Variants in SLC60A2 observed in about 807,000 individuals in gnomAD.
SLC60A2 encodes major facilitator superfamily domain containing 4B.
At chr6:111,268,046 A>T in the SLC60A2 span, 3 of 152,238 alleles carry the variant, frequency 2.0e-5, no homozygotes, top group Non-Finnish European at 2.9e-5. Context: ...AATGAAAATG[A>T]GATGATTTCC....
At chr6:111,267,153 A>C in the SLC60A2 span, 1 of 1,556,600 alleles carries the variant, frequency 6.4e-7, no homozygotes. Flanking sequence ...TCTTTGAATA[A>C]CTGCCACTTC....
chr6:111,265,256 A>C, the SLC60A2 span: 1 of 973,968 alleles, frequency 1.0e-6, no homozygotes. Context: ...ATTTATCTGA[A>C]AATATCTGTT....
At chr6:111,265,324 T>G in the SLC60A2 span, 1 of 985,124 alleles carries the variant, frequency 1.0e-6, no homozygotes, top group Non-Finnish European at 1.2e-6. Context: ...TCCTAGACGT[T>G]TAGACAGTAT....
chr6:111,259,353 T>C, the SLC60A2 span: 3 of 319,834 alleles, frequency 9.4e-6, no homozygotes, highest in South Asian at 2.6e-4. Flanking sequence ...AGCGAGCGTC[T>C]TTTGCCACGA....
At chr6:111,259,353 T>G in the SLC60A2 span, 6 of 319,834 alleles carry the variant, frequency 1.9e-5, no homozygotes, top group Admixed American at 5.0e-5. Context: ...AGCGAGCGTC[T>G]TTTGCCACGA....
chr6:111,267,979 C>T, the SLC60A2 span: 1 of 152,252 alleles, frequency 6.6e-6, no homozygotes, highest in African/African-American at 2.4e-5. Flanking sequence ...TCTAGCCCTG[C>T]ACTCTGTCAC....
At chr6:111,270,954 A>C in the SLC60A2 span, 1 of 152,180 alleles carries the variant, frequency 6.6e-6, no homozygotes, top group Non-Finnish European at 1.5e-5. Flanking sequence ...CCCATTAGCC[A>C]GGCCAACAGA....
chr6:111,259,402 G>T, the SLC60A2 span: 1 of 391,056 alleles, frequency 2.6e-6, no homozygotes, highest in Non-Finnish European at 4.6e-6. Flanking sequence ...CTCTGCCCCG[G>T]TTCCGGGCGG....
the SLC60A2 span, chr6:111,259,365 C>A: frequency 2.9e-6 from 1 of 340,884 alleles, no homozygotes; most frequent in East Asian, 4.4e-5. Context: ...TTGCCACGAA[C>A]ACCTGCGGCG....
chr6:111,277,484 A>G, the SLC60A2 span, among the ~76,000 whole-genome samples: 2 of 152,222 alleles, frequency 1.3e-5, no homozygotes, highest in Non-Finnish European at 2.9e-5. Context: ...CATGCATTTC[A>G]GTTATCTAAC....
At chr6:111,259,877 A>T in the SLC60A2 span, 2 of 493,836 alleles carry the variant, frequency 4.0e-6, no homozygotes, top group Non-Finnish European at 6.8e-6. Flanking sequence ...TGGAGGAAAT[A>T]GATTTTCTGA....
the SLC60A2 span, among the ~76,000 whole-genome samples, chr6:111,262,801 C>T: frequency 6.6e-6 from 1 of 152,166 alleles, no homozygotes; most frequent in African/African-American, 2.4e-5. Context: ...GCCCAGGCTA[C>T]ACCCTGGATT....
the SLC60A2 span, chr6:111,263,895 C>A: frequency 5.6e-6 from 9 of 1,611,792 alleles, no homozygotes; most frequent in Non-Finnish European, 7.6e-6. Flanking sequence ...AGCAATATTA[C>A]TCACTGTCAT....
the SLC60A2 span, chr6:111,267,311 T>C: frequency 1.8e-6 from 1 of 551,206 alleles, no homozygotes. Flanking sequence ...AATGGTCTCA[T>C]ACACGTACAA....
chr6:111,267,208 C>A, the SLC60A2 span: 1 of 1,321,526 alleles, frequency 7.6e-7, no homozygotes, highest in Non-Finnish European at 1.0e-6. Context: ...TTTCACCATG[C>A]TTTGGGGATT....
the SLC60A2 span, among the ~76,000 whole-genome samples, chr6:111,277,508 G>A: frequency 6.6e-6 from 1 of 152,152 alleles, no homozygotes; most frequent in Admixed American, 6.5e-5. Context: ...TATTTACTGA[G>A]CATTTACCAT....
At chr6:111,274,176 T>C in the SLC60A2 span, among the ~76,000 whole-genome samples, 1 of 152,218 alleles carries the variant, frequency 6.6e-6, no homozygotes, top group African/African-American at 2.4e-5. Flanking sequence ...GCTTTATTTA[T>C]TTTGGTGCTC....
the SLC60A2 span, chr6:111,262,270 C>T: frequency 6.2e-7 from 1 of 1,613,472 alleles, no homozygotes; most frequent in Middle Eastern, 1.7e-4. Flanking sequence ...TTGAGTGTTG[C>T]TATAGTGGGA....
chr6:111,262,177 T>TG, the SLC60A2 span: 1 of 1,188,836 alleles, frequency 8.4e-7, no homozygotes. Flanking sequence ...CCCTTTTTTT[T>TG]TATAGTGGAA....
Sources: allele counts gnomAD v4.1 joint callset (sites outside exome capture counted in the v4.1 genomes callset), GRCh38; gene constraint gnomAD v4.1.1; transcripts MANE v1.5; gene names NCBI Gene and HGNC (gene_info 2026-07-23, HGNC 2026-07-21).